SSX2IP: variants seen among roughly 807,000 people sequenced by gnomAD.
SSX2IP encodes SSX family member 2 interacting protein.
In SSX2IP, 55 loss-of-function variants were observed where a neutral mutation model predicts 84.9. That is an observed-to-expected ratio of 0.65 (90% CI 0.52 to 0.81). The LOEUF (loss-of-function observed/expected upper bound fraction) is 0.81, where lower values mean the gene tolerates loss of function less well. SSX2IP is among the 30% of genes least tolerant of loss of function. SSX2IP has a pLI of 0.00. For missense variants in SSX2IP, 664 were observed against 705.2 expected (o/e 0.94, Z 0.66); for synonymous variants, 239 against 234.7 (o/e 1.02, Z -0.17).
At chr1:84,662,159 C>A in intron 8 of SSX2IP, 39 bp downstream of exon 8, 1 of 1,334,354 alleles carries the variant, frequency 7.5e-7, no homozygotes, top group Non-Finnish European at 1.0e-6. Context: ...TTCTTATTAG[C>A]AATCTGAAGA....
chr1:84,668,229 T>C (rs951152336), intron 4 of SSX2IP, among the ~76,000 whole-genome samples: 1 of 152,104 alleles, frequency 6.6e-6, no homozygotes, highest in Non-Finnish European at 1.5e-5. Context: ...ATCACCAACA[T>C]ATCATAATGA....
At position 84,670,821 on chromosome 1, in the gene SSX2IP, A is replaced by T. The variant is rs1653467426; in HGVS notation, c.44-6T>A. On this transcript the variant is annotated splice_polypyrimidine_tract_variant and splice_region_variant and intron_variant, in intron 2 of 13. Transcript: ENST00000342203. ...TTGAGAGATAGTTTTGCTTTCTGAA[A>T]GAATAAAAGGCATCTATATAAATAA... 1.9e-6 allele frequency: 3 copies of T among 1,598,730 alleles called. No individual in the cohort carries two copies. The highest frequency in any genetic ancestry group is 2.3e-5 in the South Asian group (2 of 87,366).
At chr1:84,658,245 T>C in intron 9 of SSX2IP, 73 bp downstream of exon 9, 2 of 1,575,480 alleles carry the variant, frequency 1.3e-6, no homozygotes, top group Admixed American at 1.7e-5. Flanking sequence ...ATAATGCGGC[T>C]TTCTAAGTGA....
intron 13 of SSX2IP, 164 bp downstream of exon 13, chr1:84,650,198 A>G: frequency 1.5e-6 from 1 of 688,262 alleles, no homozygotes. Context: ...CACAGTGTCT[A>G]TATATACTGG....
chr1:84,653,388 C>G (rs1278738462), intron 11 of SSX2IP, among the ~76,000 whole-genome samples: 1 of 152,156 alleles, frequency 6.6e-6, no homozygotes, highest in East Asian at 1.9e-4. Context: ...CAAACCTCCC[C>G]CTTCTGAATA....
At chr1:84,649,733 C>T (rs891838634) in intron 13 of SSX2IP, 18 of 314,490 alleles carry the variant, frequency 5.7e-5, no homozygotes, top group Non-Finnish European at 8.7e-5. Context: ...TCCTCTTCTT[C>T]GTTTAAAACT....
intron 13 of SSX2IP, 159 bp downstream of exon 13, chr1:84,650,203 T>G (rs1650019017): frequency 1.4e-6 from 1 of 705,588 alleles, no homozygotes; most frequent in African/African-American, 1.8e-5. Context: ...TGTCTATATA[T>G]ACTGGACACT....
At position 84,647,492 on chromosome 1, in the gene SSX2IP, A is replaced by G; in HGVS notation, c.1786T>C (p.Tyr596His). 6.2e-7 allele frequency: 1 copy of G among 1,613,190 alleles called. No homozygotes were observed. Among genetic ancestry groups the G allele is most frequent in the East Asian group, 2.2e-5 (1 of 44,814 alleles). The change falls in exon 14 of 14, where the codon TAT becomes CAT. Residue 596 changes from tyrosine (Y) to histidine (H), a missense_variant. Physicochemically the swap from Tyr to His is moderately conservative, Grantham distance 83 (BLOSUM62 2). Coordinates refer to ENST00000342203, the MANE Select transcript of SSX2IP (RefSeq NM_001166293.2). ...ASRPGSQEGCYSGCSLSYTNS... is the reference protein window; with the variant it reads ...ASRPGSQEGCHSGCSLSYTNS... ...GTGTAGCTCAAGGAGCATCCACTATAGCAACCTTCCTGTGATCCAGGTCTT... is the reference window on the plus strand; with the variant it reads ...GTGTAGCTCAAGGAGCATCCACTATGGCAACCTTCCTGTGATCCAGGTCTT...
Position 84,658,344 on chromosome 1 carries a change from CTT to C in SSX2IP, c.1050_1051del (p.His352CysfsTer5). 1 of 1,614,106 alleles carries C rather than the reference CTT, an allele frequency of 6.2e-7. No homozygotes were observed. Among genetic ancestry groups the C allele is most frequent in the East Asian group, 2.2e-5 (1 of 44,868 alleles). ...TTGGTTATCAAGCTTTTCTACATGA[CTT>C]TTCAAAATTCTCCACTGTTTTCTGA... On this transcript the variant is annotated frameshift_variant, in exon 9 of 14. Coordinates refer to ENST00000342203, the MANE Select transcript of SSX2IP (RefSeq NM_001166293.2). LOFTEE classifies it high-confidence loss of function.
intron 8 of SSX2IP, among the ~76,000 whole-genome samples, chr1:84,660,441 G>T (rs955606631): frequency 6.6e-6 from 1 of 152,168 alleles, no homozygotes; most frequent in South Asian, 2.1e-4. Context: ...TGCTAACCTT[G>T]AAGAAGTATT....
In SSX2IP at chr1:84,647,304, G is replaced by T; in HGVS notation, c.*129C>A. 1.4e-6 allele frequency: 1 copy of T among 711,408 alleles called. No individual in the cohort carries two copies. 44.1% of individuals were successfully genotyped at this position (711,408 alleles called of 1,614,324 possible). A position where few individuals can be genotyped will look rare whatever the true frequency, so the allele number is the denominator to read the frequency against. On this transcript the variant is annotated 3_prime_UTR_variant, in exon 14 of 14. Transcript: ENST00000342203. ...GATTTCAACTCTTTGGGGGAAGACAGGGAAGTCCAAACAAACAACTCAGAC... is the reference window on the plus strand; with the variant it reads ...GATTTCAACTCTTTGGGGGAAGACATGGAAGTCCAAACAAACAACTCAGAC...
intron 10 of SSX2IP, 134 bp downstream of exon 10, chr1:84,656,214 T>C: frequency 1.0e-6 from 1 of 983,288 alleles, no homozygotes; most frequent in South Asian, 1.7e-5. Flanking sequence ...ACAATGTATC[T>C]GTTAGCAGGG....
chr1:84,658,119 G>A (rs980540744), intron 9 of SSX2IP, 199 bp downstream of exon 9: 21 of 560,670 alleles, frequency 3.7e-5, no homozygotes, highest in Non-Finnish European at 5.3e-5. Context: ...CTGGGTGACC[G>A]AGCAAGGTTC....
At chr1:84,656,062 T>C in intron 10 of SSX2IP, 57 bp from the exon 11 acceptor site, 3 of 1,477,854 alleles carry the variant, frequency 2.0e-6, no homozygotes, top group South Asian at 2.5e-5. Flanking sequence ...CTCCAACGAG[T>C]TGAAATGAAA....
chr1:84,672,635 T>C (rs769030582), intron 1 of SSX2IP, among the ~76,000 whole-genome samples: 4 of 152,152 alleles, frequency 2.6e-5, no homozygotes, highest in Non-Finnish European at 4.4e-5. Flanking sequence ...CCAAATAAAA[T>C]GTGTCTTTAG....
At chr1:84,650,217 T>C in intron 13 of SSX2IP, 145 bp downstream of exon 13, 1 of 773,458 alleles carries the variant, frequency 1.3e-6, no homozygotes, top group East Asian at 2.6e-5. Flanking sequence ...GGACACTCAA[T>C]ATTTGTAGAA....
At position 84,646,596 on chromosome 1, in the gene SSX2IP, C is replaced by G. The variant is rs1308136795; in HGVS notation, c.*837G>C. On this transcript the variant is annotated 3_prime_UTR_variant, in exon 14 of 14. Coordinates refer to ENST00000342203, the MANE Select transcript of SSX2IP (RefSeq NM_001166293.2). ...AACCAATTTCTTAAATTGTTTTATT[C>G]AAAGGTACTTTTGTCGTCTTGCCCC... The G allele has an allele frequency of 6.6e-6, 1 of 152,478 alleles. No homozygotes were observed. Among genetic ancestry groups the G allele is most frequent in the Non-Finnish European group, 1.5e-5 (1 of 67,978 alleles). The allele number at this position is 152,478 out of a possible 1,614,324, so 9.4% of individuals were successfully genotyped here.
At chr1:84,682,985 CCCCCATTACAGA>C (rs1655294011) in intron 1 of SSX2IP, among the ~76,000 whole-genome samples, 1 of 42,234 alleles carries the variant, frequency 2.4e-5, no homozygotes, top group Non-Finnish European at 1.1e-4. Context: ...CAAATACTTT[CCCCCATTACAGA>C]TAAGGAAACT....
intron 4 of SSX2IP, among the ~76,000 whole-genome samples, chr1:84,666,465 A>G (rs1652790833): frequency 6.6e-6 from 1 of 152,160 alleles, no homozygotes; most frequent in Admixed American, 6.5e-5. Context: ...ACACATATAC[A>G]AAAGTGCTTC....
Sources: gnomAD v4.1 joint callset for allele counts (sites outside exome capture counted in the v4.1 genomes callset) on GRCh38, gnomAD v4.1.1 for gene constraint, MANE v1.5 for transcripts, NCBI Gene and HGNC (gene_info 2026-07-23, HGNC 2026-07-21) for gene names.